The following SHB variants were observed in gnomAD, a reference collection of about 807,000 sequenced individuals.
SHB encodes the protein SH2 domain-containing adapter protein B.
Under a neutral mutation model 52.3 loss-of-function variants are expected in SHB, and 20 were observed. The ratio of observed to expected loss-of-function variants is 0.38; its 90% CI spans 0.27 to 0.56. The LOEUF (loss-of-function observed/expected upper bound fraction) is 0.56, where lower values mean the gene tolerates loss of function less well. SHB is among the 20% of genes least tolerant of loss of function. The pLI is 0.71. For synonymous variants in SHB, 397 were observed against 316.5 expected, an observed-to-expected ratio of 1.25 and a Z score of -2.70; for missense variants, 825 against 723.3, an observed-to-expected ratio of 1.14 and a Z score of -1.61.
chr9:37,984,947 C>T (rs749136312), intron 2 of SHB, among the ~76,000 whole-genome samples: 5 of 152,138 alleles, frequency 3.3e-5, no homozygotes, highest in Admixed American at 1.3e-4. Context: ...AGCTCAGAGA[C>T]GGAGCTGGAG....
intron 1 of SHB, among the ~76,000 whole-genome samples, chr9:38,057,609 T>A (rs1353524405): frequency 6.6e-6 from 1 of 152,170 alleles, no homozygotes; most frequent in Non-Finnish European, 1.5e-5. Flanking sequence ...TGCCATGCAG[T>A]CCCCGATCAC....
intron 2 of SHB, 46 bp downstream of exon 2, chr9:38,015,965 C>T (rs1821204330): frequency 1.2e-6 from 2 of 1,601,876 alleles, no homozygotes; most frequent in African/African-American, 2.7e-5. Context: ...TCCCTTTCTA[C>T]CCCTACAACC....
chr9:38,003,571 T>C (rs374909745), intron 2 of SHB, among the ~76,000 whole-genome samples: 31 of 152,276 alleles, frequency 2.0e-4, no homozygotes, highest in Non-Finnish European at 4.3e-4. Context: ...GCCCCTGTGC[T>C]CGTTGCAGTG....
rs1469243271 is a variant in SHB, at chr9:38,068,076, G to C, written c.570C>G (p.Ser190Arg). 2 of 1,493,630 alleles carry C rather than the reference G, an allele frequency of 1.3e-6. No individual in the cohort carries two copies. Among genetic ancestry groups the C allele is most frequent in the South Asian group, 1.3e-5 (1 of 76,736 alleles). 92.5% of individuals were successfully genotyped at this position (1,493,630 alleles called of 1,614,324 possible). ...SPKHRLIKVE[S>R]AAGGGAGDPL... ...GGTCCCCGGCCCCACCGCCCGCGGC[G>C]CTCTCCACTTTGATGAGGCGGTGCT... Residue 190 changes from serine (S) to arginine (R), a missense_variant, in exon 1 of 6, where the codon AGC (serine) becomes AGG (arginine). Physicochemically the swap from Ser to Arg is moderately radical, Grantham distance 110 (BLOSUM62 -1). Transcript: ENST00000377707.
At chr9:38,019,600 T>C (rs904555778) in intron 1 of SHB, among the ~76,000 whole-genome samples, 1 of 152,220 alleles carries the variant, frequency 6.6e-6, no homozygotes, top group Non-Finnish European at 1.5e-5. Flanking sequence ...ACAGCTGCAC[T>C]TGTGAGCAGA....
At chr9:37,982,974 C>CCCA (rs72109305) in intron 2 of SHB, among the ~76,000 whole-genome samples, 7 of 31,962 alleles carry the variant, frequency 2.2e-4, no homozygotes, top group African/African-American at 5.6e-4. Context: ...CTCTCTGGTG[C>CCCA]CCCCCCCTCC....
At chr9:38,005,671 A>G (rs1238525912) in intron 2 of SHB, among the ~76,000 whole-genome samples, 1 of 152,220 alleles carries the variant, frequency 6.6e-6, no homozygotes, top group African/African-American at 2.4e-5. Context: ...TACCCTTTAA[A>G]CACAGACTGC....
intron 3 of SHB, among the ~76,000 whole-genome samples, chr9:37,972,996 A>C (rs1820609680): frequency 6.6e-6 from 1 of 152,212 alleles, no homozygotes; most frequent in South Asian, 2.1e-4. Context: ...CTCTTTTTAC[A>C]TGCCTAAACT....
chr9:38,068,293 C>A lies in SHB; in HGVS notation c.353G>T (p.Ser118Ile). The change falls in exon 1 of 6, where the codon AGC (serine) becomes ATC (isoleucine). Residue 118 changes from serine (S) to isoleucine (I), a missense_variant. By Grantham distance (142) the Ser-to-Ile change is moderately radical. Transcript: ENST00000377707. ...GCGCTGGACCCCGCCTGGCTCCCCG[C>A]TGCCGCCGCAGTAGTCCAGGCGGCA... ...AMCRLDYCGG[S>I]GEPGGVQRAF... The A allele has an allele frequency of 2.0e-6, 3 of 1,483,536 alleles. No individual in the cohort carries two copies. Among genetic ancestry groups the A allele is most frequent in the Non-Finnish European group, 2.7e-6 (3 of 1,122,310 alleles). The allele number at this position is 1,483,536 out of a possible 1,614,324, so 91.9% of individuals were successfully genotyped here.
intron 1 of SHB, among the ~76,000 whole-genome samples, chr9:38,039,814 C>A (rs1821548089): frequency 1.3e-5 from 2 of 152,236 alleles, no homozygotes; most frequent in Admixed American, 1.3e-4. Flanking sequence ...GTCCAGTAGG[C>A]CACAGGCCTC....
chr9:38,057,422 A>C lies in SHB; in HGVS notation c.717+10507T>G, dbSNP rs144855248. Among the ~76,000 whole-genome samples the C allele has an allele frequency of 2.2e-3, 336 of 152,284 alleles. 1 individual carries two copies. Among genetic ancestry groups the C allele is most frequent in the African/African-American group, 7.8e-3 (324 of 41,572 alleles). ...GGTTTCTGAGTTTTGCTTACTTATT[A>C]TTTTCTATACCAAACTTGTCTTAAT... On this transcript the variant is annotated intron_variant, in intron 1 of 5. Coordinates refer to ENST00000377707, the MANE Select transcript of SHB (RefSeq NM_003028.3).
At chr9:37,954,915 C>T (rs1028558780) in intron 4 of SHB, among the ~76,000 whole-genome samples, 4 of 151,998 alleles carry the variant, frequency 2.6e-5, no homozygotes, top group Non-Finnish European at 4.4e-5. Context: ...ATAAAGGGCC[C>T]GGCCCTGCAC....
chr9:38,035,500 C>T (rs749180314), intron 1 of SHB, among the ~76,000 whole-genome samples: 1 of 152,052 alleles, frequency 6.6e-6, no homozygotes, highest in Non-Finnish European at 1.5e-5. Flanking sequence ...CTCCCTCTCA[C>T]TTTCACAGGC....
chr9:38,068,423 C>T lies in SHB; in HGVS notation c.223G>A (p.Gly75Ser). ...ASSGSLPDDS[G>S]STSDLIRAYR... is the part of the protein sequence containing the mutation. ...GCGCGGATGAGGTCGCTGGTGCTGC[C>T]GCTGTCGTCGGGCAGCGAGCCCGAA... The change falls in exon 1 of 6, where the codon GGC becomes AGC. Residue 75 changes from glycine (G) to serine (S), a missense_variant. Coordinates refer to ENST00000377707, the MANE Select transcript of SHB (RefSeq NM_003028.3). The T allele has an allele frequency of 6.4e-7, 1 of 1,563,446 alleles. No homozygotes were observed. The highest frequency in any genetic ancestry group is 1.2e-5 in the South Asian group (1 of 85,048).
At chr9:37,997,068 T>A (rs557003365) in intron 2 of SHB, among the ~76,000 whole-genome samples, 1 of 152,168 alleles carries the variant, frequency 6.6e-6, no homozygotes, top group South Asian at 2.1e-4. Flanking sequence ...AGGTGAAGGT[T>A]CAACAACTCC....
intron 2 of SHB, among the ~76,000 whole-genome samples, chr9:37,984,112 G>T (rs10465085): frequency 6.6e-6 from 1 of 152,156 alleles, no homozygotes; most frequent in African/African-American, 2.4e-5. Flanking sequence ...CAAGTGTTTC[G>T]AACAGTGCCT....
intron 1 of SHB, among the ~76,000 whole-genome samples, chr9:38,042,918 T>C (rs1395001645): frequency 6.6e-6 from 1 of 152,154 alleles, no homozygotes; most frequent in African/African-American, 2.4e-5. Context: ...TCTCTGGCCA[T>C]GCTCTAGGAG....
At chr9:38,051,237 C>G (rs553725914) in intron 1 of SHB, among the ~76,000 whole-genome samples, 1 of 151,842 alleles carries the variant, frequency 6.6e-6, no homozygotes, top group Admixed American at 6.6e-5. Flanking sequence ...GTCAGGAGAT[C>G]GCGACCATCC....
At chr9:38,062,681 T>C (rs942817334) in intron 1 of SHB, among the ~76,000 whole-genome samples, 4 of 152,192 alleles carry the variant, frequency 2.6e-5, no homozygotes, top group African/African-American at 7.2e-5. Context: ...CCCCAGTGAC[T>C]GCAAAGGCAT....
Sources: allele counts gnomAD v4.1 joint callset (sites outside exome capture counted in the v4.1 genomes callset), GRCh38; gene constraint gnomAD v4.1.1; transcripts MANE v1.5; gene names NCBI Gene and HGNC (gene_info 2026-07-23, HGNC 2026-07-21).